AK4: variants seen among roughly 807,000 people sequenced by gnomAD.
The protein encoded by AK4 is adenylate kinase 4, mitochondrial.
AK4 carries 13 observed loss-of-function variants against 24.6 expected under a neutral mutation model. The observed-to-expected ratio is 0.53, with a 90% CI of 0.34 to 0.84. The LOEUF (loss-of-function observed/expected upper bound fraction) is 0.84, where lower values mean the gene tolerates loss of function less well. AK4 is among the 40% of genes least tolerant of loss of function. The pLI, the probability that AK4 is intolerant of heterozygous loss-of-function variation, is 0.01. For missense variants in AK4, 192 were observed against 288.2 expected (o/e 0.67, Z 2.42); for synonymous variants, 88 against 107.0 (o/e 0.82, Z 1.10).
chr1:65,187,746 C>T (rs892778578), intron 1 of AK4, among the ~76,000 whole-genome samples: 5 of 152,186 alleles, frequency 3.3e-5, no homozygotes, highest in African/African-American at 9.7e-5. Flanking sequence ...GGTTGTTGCT[C>T]TTGAAGTAAT....
intron 2 of AK4, among the ~76,000 whole-genome samples, chr1:65,194,083 C>T (rs573759911): frequency 6.6e-6 from 1 of 152,180 alleles, no homozygotes; most frequent in East Asian, 1.9e-4. Flanking sequence ...AGAGTGAGAC[C>T]CTGTTTCAAA....
intron 1 of AK4, among the ~76,000 whole-genome samples, chr1:65,186,509 T>C (rs940345697): frequency 6.6e-6 from 1 of 152,210 alleles, no homozygotes; most frequent in African/African-American, 2.4e-5. Flanking sequence ...AACCAACTGT[T>C]TTAACTTTTC....
intron 2 of AK4, among the ~76,000 whole-genome samples, chr1:65,209,120 T>C (rs183820209): frequency 6.6e-6 from 1 of 152,180 alleles, no homozygotes; most frequent in African/African-American, 2.4e-5. Flanking sequence ...ATGAAAAGAG[T>C]GAGCAGCTTT....
intron 1 of AK4, among the ~76,000 whole-genome samples, chr1:65,183,254 GTTTTA>G (rs760525028): frequency 1.3e-5 from 2 of 151,074 alleles, no homozygotes; most frequent in African/African-American, 4.9e-5. Context: ...TCTTTCCTTT[GTTTTA>G]TTTTGTTTTG....
intron 4 of AK4, among the ~76,000 whole-genome samples, chr1:65,225,531 A>G (rs1008587795): frequency 2.0e-5 from 3 of 152,210 alleles, no homozygotes; most frequent in African/African-American, 7.2e-5. Context: ...CATATTGGCA[A>G]CATATTTAAA....
At chr1:65,199,364 A>G (rs919910927) in intron 2 of AK4, among the ~76,000 whole-genome samples, 2 of 152,160 alleles carry the variant, frequency 1.3e-5, no homozygotes, top group African/African-American at 2.4e-5. Flanking sequence ...CCTGGCCAAC[A>G]TGGTGAAACC....
chr1:65,190,848 T>G lies in AK4; in HGVS notation c.265+19T>G, dbSNP rs1570109200. 6.2e-7 allele frequency: 1 copy of G among 1,611,508 alleles called. No individual in the cohort carries two copies. Among genetic ancestry groups the G allele is most frequent in the Non-Finnish European group, 8.5e-7 (1 of 1,179,224 alleles). ...CTTGATGGTGAGTTGAAACTGTGGGTAAACCGAATTTCTGGGAATAGTCAG... is the reference window on the plus strand; with the variant it reads ...CTTGATGGTGAGTTGAAACTGTGGGGAAACCGAATTTCTGGGAATAGTCAG... On this transcript the variant is annotated intron_variant, in intron 2 of 4. Transcript: ENST00000327299.
At chr1:65,151,552 C>T (rs958545221) in intron 1 of AK4, among the ~76,000 whole-genome samples, 1 of 152,082 alleles carries the variant, frequency 6.6e-6, no homozygotes, top group East Asian at 1.9e-4. Flanking sequence ...ATTCTTGGGC[C>T]TTTTGTTCTT....
At chr1:65,203,258 A>C (rs1651718610) in intron 2 of AK4, among the ~76,000 whole-genome samples, 1 of 152,094 alleles carries the variant, frequency 6.6e-6, no homozygotes, top group Admixed American at 6.6e-5. Flanking sequence ...TAGGTTTGTG[A>C]GGATTGACTA....
Position 65,231,077 on chromosome 1 carries a change from T to C in AK4, c.*4900T>C, listed in dbSNP as rs1389490879. 2 of 152,342 alleles carry C rather than the reference T, an allele frequency of 1.3e-5. No homozygotes were observed. The highest frequency in any genetic ancestry group is 1.3e-4 in the Admixed American group (2 of 15,300). The allele number at this position is 152,342 out of a possible 1,614,324, so 9.4% of individuals were successfully genotyped here. Reference sequence around the variant, plus strand: ...ACCTAGTAATAAAGACTTCTTTTAATGTGGAAATGTGGTCTGGTAGTAAGT... The same window carrying C: ...ACCTAGTAATAAAGACTTCTTTTAACGTGGAAATGTGGTCTGGTAGTAAGT... On this transcript the variant is annotated 3_prime_UTR_variant, in exon 5 of 5. Transcript: ENST00000327299.
intron 1 of AK4, among the ~76,000 whole-genome samples, chr1:65,162,901 A>G (rs1337530240): frequency 6.6e-6 from 1 of 152,006 alleles, no homozygotes; most frequent in Non-Finnish European, 1.5e-5. Flanking sequence ...AATATATGTG[A>G]CTTTTTGTGT....
rs570463199 is a variant in AK4, at chr1:65,149,252, G to C, written c.145+700G>C. 3.9e-5 allele frequency: 6 copies of C among 152,464 alleles called. No individual in the cohort carries two copies. The East Asian group carries it at 1.2e-3, about 29-fold the overall frequency. 9.4% of individuals were successfully genotyped at this position (152,464 alleles called of 1,614,324 possible). Reference sequence around the variant, plus strand: ...TACATTTTGTAATGCAGCTTTCCTGGAAATGGCTTCTTGAGCTGCCTCCCT... The same window carrying C: ...TACATTTTGTAATGCAGCTTTCCTGCAAATGGCTTCTTGAGCTGCCTCCCT... On this transcript the variant is annotated intron_variant, in intron 1 of 4. Coordinates refer to ENST00000327299, the MANE Select transcript of AK4 (RefSeq NM_013410.4).
intron 1 of AK4, among the ~76,000 whole-genome samples, chr1:65,189,877 G>C (rs1195928547): frequency 6.6e-6 from 1 of 152,194 alleles, no homozygotes; most frequent in Non-Finnish European, 1.5e-5. Context: ...ACACTCAGCT[G>C]CTTTTACAAT....
chr1:65,225,950 G>A lies in AK4; in HGVS notation c.558-113G>A. 3.7e-6 allele frequency: 4 copies of A among 1,090,954 alleles called. No individual in the cohort carries two copies. The South Asian group carries it at 6.2e-5, about 17-fold the overall frequency. The allele number at this position is 1,090,954 out of a possible 1,614,324, so 67.6% of individuals were successfully genotyped here. A position where few individuals can be genotyped will look rare whatever the true frequency, so the allele number is the denominator to read the frequency against. On this transcript the variant is annotated intron_variant, in intron 4 of 4. Coordinates refer to ENST00000327299, the MANE Select transcript of AK4 (RefSeq NM_013410.4). ...GAAAGGGGCTGTTTTAGCACTTAGT[G>A]TGGTATATGATATAGACCATGAGAT...
chr1:65,194,310 G>C lies in AK4; in HGVS notation c.265+3481G>C, dbSNP rs72928118. Reference sequence around the variant, plus strand: ...AGTTTTGCAGTCCATAAAGCCCTAGGGCACAGACAAAATTTGTCAAGGTCT... The same window carrying C: ...AGTTTTGCAGTCCATAAAGCCCTAGCGCACAGACAAAATTTGTCAAGGTCT... On this transcript the variant is annotated intron_variant, in intron 2 of 4. Coordinates refer to ENST00000327299, the MANE Select transcript of AK4 (RefSeq NM_013410.4). 5.8e-3 allele frequency among the ~76,000 whole-genome samples: 889 copies of C among 152,184 alleles called. 14 individuals carry two copies. Among genetic ancestry groups the C allele is most frequent in the African/African-American group, 0.02 (842 of 41,500 alleles).
Position 65,213,478 on chromosome 1 carries a change from G to T in AK4, c.266-5276G>T, listed in dbSNP as rs11807827. On this transcript the variant is annotated intron_variant, in intron 2 of 4. Transcript: ENST00000327299. ...ACAGAGAGCACCAGGGACTCCCCAA[G>T]CTCTTAGAAAAAACCCAGAAAAGGA... Among the ~76,000 whole-genome samples the T allele has an allele frequency of 1.8e-3, 277 of 152,234 alleles. 3 individuals are homozygous for T. The highest frequency in any genetic ancestry group is 6.4e-3 in the African/African-American group (264 of 41,542).
At chr1:65,196,444 AGTT>A (rs1394532399) in intron 2 of AK4, among the ~76,000 whole-genome samples, 5 of 152,078 alleles carry the variant, frequency 3.3e-5, no homozygotes, top group African/African-American at 1.2e-4. Context: ...TGTGCTTTCC[AGTT>A]GGGTAAGAAA....
intron 1 of AK4, among the ~76,000 whole-genome samples, chr1:65,182,859 T>C (rs1650956612): frequency 6.6e-6 from 1 of 152,204 alleles, no homozygotes; most frequent in African/African-American, 2.4e-5. Flanking sequence ...TTTCATAGTG[T>C]ATTTATGTAG....
At chr1:65,223,354 A>G (rs920724546) in intron 3 of AK4, among the ~76,000 whole-genome samples, 2 of 151,744 alleles carry the variant, frequency 1.3e-5, no homozygotes, top group Non-Finnish European at 2.9e-5. Context: ...ACACCCGGCT[A>G]ATTTTTGTAT....
Sources: gnomAD v4.1 joint callset for allele counts (sites outside exome capture counted in the v4.1 genomes callset) on GRCh38, gnomAD v4.1.1 for gene constraint, MANE v1.5 for transcripts, NCBI Gene and HGNC (gene_info 2026-07-23, HGNC 2026-07-21) for gene names.